MSI2: variants seen among roughly 807,000 people sequenced by gnomAD.
The protein encoded by MSI2 is RNA-binding protein Musashi homolog 2.
A neutral mutation model predicts 45.6 loss-of-function variants in MSI2; 17 were observed. The observed-to-expected ratio is 0.37, with a 90% confidence interval of 0.26 to 0.56. The LOEUF is 0.56. Among genes scored for constraint, MSI2 ranks in the 20% least tolerant of loss-of-function variants. The pLI is 0.77. For synonymous variants in MSI2, 156 were observed against 158.2 expected (o/e 0.99, Z 0.11); for missense variants, 293 against 444.2 (o/e 0.66, Z 3.06).
At chr17:57,512,765 G>T (rs772207569) in intron 6 of MSI2, among the ~76,000 whole-genome samples, 1 of 152,026 alleles carries the variant, frequency 6.6e-6, no homozygotes, top group Non-Finnish European at 1.5e-5. Flanking sequence ...CTCATCCTGG[G>T]TACTCCTTGC....
At chr17:57,293,257 T>G (rs1243864100) in intron 5 of MSI2, among the ~76,000 whole-genome samples, 1 of 151,988 alleles carries the variant, frequency 6.6e-6, no homozygotes, top group Non-Finnish European at 1.5e-5. Flanking sequence ...GCCCTACTGT[T>G]GGAATGGCCT....
At chr17:57,492,743 C>T (rs962885661) in intron 6 of MSI2, among the ~76,000 whole-genome samples, 2 of 152,112 alleles carry the variant, frequency 1.3e-5, no homozygotes, top group African/African-American at 4.8e-5. Flanking sequence ...ATTACAAGCA[C>T]CTACCACCAC....
intron 5 of MSI2, among the ~76,000 whole-genome samples, chr17:57,382,590 A>G (rs187504397): frequency 7.3e-4 from 111 of 152,306 alleles, no homozygotes; most frequent in African/African-American, 2.3e-3. Flanking sequence ...TGAAGCTTCA[A>G]TGTTAGTTGG....
rs780521258 is a variant in MSI2, at chr17:57,294,513, A to C, written c.312+32321A>C. ...GTATACCATGCAAGAATCAACTCCA[A>C]GGGGCTAGCTGAAGCTGGGGAAGGT... On this transcript the variant is annotated intron_variant, in intron 5 of 13. Transcript: ENST00000284073. Among the ~76,000 whole-genome samples, 7 of 152,310 alleles carry C rather than the reference A, an allele frequency of 4.6e-5. No homozygotes were observed. The South Asian group carries it at 1.5e-3, about 32-fold the overall frequency.
chr17:57,491,224 C>A (rs2085865828), intron 6 of MSI2, among the ~76,000 whole-genome samples: 1 of 152,202 alleles, frequency 6.6e-6, no homozygotes. Context: ...TGTTACAAGA[C>A]CTGGCTAGAG....
chr17:57,459,909 A>G (rs964804378), intron 6 of MSI2, among the ~76,000 whole-genome samples: 12 of 152,024 alleles, frequency 7.9e-5, no homozygotes, highest in African/African-American at 2.9e-4. Context: ...CGGGCAGATC[A>G]CCTGAGGTCA....
At chr17:57,466,665 A>G (rs556031474) in intron 6 of MSI2, among the ~76,000 whole-genome samples, 1 of 152,304 alleles carries the variant, frequency 6.6e-6, no homozygotes, top group Non-Finnish European at 1.5e-5. Flanking sequence ...TTAAGTTGGG[A>G]GAAACTGTTT....
intron 5 of MSI2, among the ~76,000 whole-genome samples, chr17:57,355,290 G>A (rs182271941): frequency 3.7e-4 from 56 of 152,326 alleles, no homozygotes; most frequent in Admixed American, 1.2e-3. Flanking sequence ...CATGGAAATA[G>A]TACTGCTTTC....
chr17:57,699,073 G>A, the MSI2 span, among the ~76,000 whole-genome samples: 1 of 112,646 alleles, frequency 8.9e-6, no homozygotes, highest in Non-Finnish European at 1.8e-5. Context: ...GTGTGTGTGT[G>A]TGAAGGTGAG....
chr17:57,658,520 G>A (rs1265517744), intron 11 of MSI2, among the ~76,000 whole-genome samples: 1 of 152,218 alleles, frequency 6.6e-6, no homozygotes, highest in Non-Finnish European at 1.5e-5. Flanking sequence ...GCTGACCTCA[G>A]CTTCATTCAT....
chr17:57,580,226 T>C lies in MSI2; in HGVS notation c.455-16642T>C, dbSNP rs184327025. On this transcript the variant is annotated intron_variant, in intron 7 of 13. Transcript: ENST00000284073. ...GGTGAACCCATTTATCATCATATCC[T>C]AACAGTTTGCCTTGGTTCAGAACTC... 1.7e-3 allele frequency among the ~76,000 whole-genome samples: 258 copies of C among 152,346 alleles called. 2 individuals are homozygous for C. Among genetic ancestry groups the C allele is most frequent in the Non-Finnish European group, 2.7e-3 (184 of 68,026 alleles).
chr17:57,461,784 C>T (rs901229637), intron 6 of MSI2, among the ~76,000 whole-genome samples: 7 of 152,156 alleles, frequency 4.6e-5, no homozygotes, highest in Admixed American at 6.5e-5. Context: ...TCTGCTACCT[C>T]GGCCTCCCAA....
intron 6 of MSI2, among the ~76,000 whole-genome samples, chr17:57,498,259 C>T (rs187891078): frequency 6.2e-4 from 94 of 152,346 alleles, no homozygotes; most frequent in African/African-American, 2.2e-3. Flanking sequence ...AATCTCAATA[C>T]CCCAATTATG....
At chr17:57,366,015 G>C (rs1240029545) in intron 5 of MSI2, among the ~76,000 whole-genome samples, 2 of 152,094 alleles carry the variant, frequency 1.3e-5, no homozygotes, top group African/African-American at 2.4e-5. Context: ...CCCGGATCAA[G>C]GGAGCCTCCC....
intron 6 of MSI2, among the ~76,000 whole-genome samples, chr17:57,433,740 C>T (rs887048817): frequency 1.2e-4 from 19 of 152,194 alleles, no homozygotes; most frequent in African/African-American, 3.1e-4. Flanking sequence ...GGTGATTGCC[C>T]GCTGTCTTCA....
chr17:57,278,909 A>G (rs1909142700), intron 5 of MSI2: 1 of 152,172 alleles, frequency 6.6e-6, no homozygotes, highest in East Asian at 1.9e-4. Context: ...GGAACTGTGA[A>G]CTAGGGACAG....
intron 10 of MSI2, among the ~76,000 whole-genome samples, chr17:57,646,570 A>G (rs1413397930): frequency 6.6e-6 from 1 of 152,216 alleles, no homozygotes; most frequent in Non-Finnish European, 1.5e-5. Context: ...CAACAGAGAA[A>G]AGTTACACAG....
At chr17:57,433,002 C>T (rs571963108) in intron 6 of MSI2, among the ~76,000 whole-genome samples, 11 of 152,310 alleles carry the variant, frequency 7.2e-5, no homozygotes, top group Non-Finnish European at 1.5e-5. Context: ...CTTGCAGTGG[C>T]TCCCTACTTC....
At chr17:57,310,289 T>G (rs966302646) in intron 5 of MSI2, among the ~76,000 whole-genome samples, 1 of 151,646 alleles carries the variant, frequency 6.6e-6, no homozygotes, top group Non-Finnish European at 1.5e-5. Flanking sequence ...ACAGCGGGCC[T>G]GAGAGCAGAG....
Sources: gnomAD v4.1 joint callset for allele counts (sites outside exome capture counted in the v4.1 genomes callset) on GRCh38, gnomAD v4.1.1 for gene constraint, MANE v1.5 for transcripts, NCBI Gene and HGNC (gene_info 2026-07-23, HGNC 2026-07-21) for gene names.